ZFX: variants seen among roughly 807,000 people sequenced by gnomAD.
ZFX encodes the protein zinc finger protein X-linked.
For synonymous variants in ZFX, 196 were observed against 226.8 expected (o/e 0.86, Z 1.22); for missense variants, 362 against 628.3 (o/e 0.58, Z 4.53).
Position 24,179,283 on chromosome X carries a change from C to T in ZFX, c.159C>T (p.Asn53=), listed in dbSNP as rs1444281886. The T allele has an allele frequency of 5.0e-6, 6 of 1,210,121 alleles. No individual in the cohort carries two copies. The highest frequency in any genetic ancestry group is 6.7e-6 in the Non-Finnish European group (6 of 895,290). ...DVVDSDITVH[N]FVPDDPDSVV... ...TGGATTCAGACATAACTGTGCATAA[C>T]TTTGTTCCTGATGACCCAGATTCAG... The change falls in exon 5 of 10, where the codon AAC becomes AAT. Residue 53 remains asparagine, a synonymous_variant. Transcript: ENST00000304543.
At chrX:24,174,629 G>A (rs1200581181) in intron 4 of ZFX, among the ~76,000 whole-genome samples, 2 of 110,437 alleles carry the variant, frequency 1.8e-5, no homozygotes, top group Admixed American at 9.7e-5. Flanking sequence ...TCTTGACCTC[G>A]TGATTCGCCT....
intron 3 of ZFX, among the ~76,000 whole-genome samples, chrX:24,163,559 G>A (rs1455213769): frequency 9.5e-6 from 1 of 104,955 alleles, no homozygotes; most frequent in African/African-American, 3.5e-5. Flanking sequence ...TGTATTTTTG[G>A]TAGAGATGGG....
chrX:24,164,452 G>GT (rs774212930), intron 3 of ZFX, among the ~76,000 whole-genome samples: 1 of 111,752 alleles, frequency 8.9e-6, no homozygotes, highest in South Asian at 3.7e-4. Context: ...AGAGAATACT[G>GT]TAAGTGTTAA....
rs183322755 is a variant in ZFX at position 24,153,656 on chromosome X, G to C, written c.-29+826G>C. 5.4e-5 allele frequency among the ~76,000 whole-genome samples: 6 copies of C among 111,653 alleles called. No individual in the cohort carries two copies. The East Asian group carries it at 1.7e-3, about 31-fold the overall frequency. On this transcript the variant is annotated intron_variant, in intron 3 of 9. Transcript: ENST00000304543. ...GTGCTCTGTGTTTCAGAAACTCTCT[G>C]TGCCTTCTCTGTCTTCTATGGTGGG...
intron 3 of ZFX, among the ~76,000 whole-genome samples, chrX:24,171,212 G>C (rs1223580585): frequency 9.0e-6 from 1 of 111,701 alleles, no homozygotes; most frequent in Admixed American, 9.6e-5. Context: ...ATTGTTTCCA[G>C]CTTTCTCTTT....
At chrX:24,161,132 TAAG>T (rs1323280326) in intron 3 of ZFX, among the ~76,000 whole-genome samples, 2 of 111,998 alleles carry the variant, frequency 1.8e-5, no homozygotes, top group East Asian at 2.8e-4. Flanking sequence ...TAATTTATAA[TAAG>T]GTCAAAAAAC....
At chrX:24,196,596 CTTT>C (rs201381708) in intron 5 of ZFX, among the ~76,000 whole-genome samples, 3 of 109,789 alleles carry the variant, frequency 2.7e-5, no homozygotes, top group Non-Finnish European at 3.8e-5. Context: ...CTTGTATTAC[CTTT>C]TTTTTTCTTT....
intron 5 of ZFX, among the ~76,000 whole-genome samples, chrX:24,200,620 C>CT (rs1428963004): frequency 8.9e-6 from 1 of 112,413 alleles, no homozygotes; most frequent in African/African-American, 3.2e-5. Flanking sequence ...TTCTTCCATC[C>CT]TTTTATTTGT....
chrX:24,160,337 C>T (rs1394807344), intron 3 of ZFX, among the ~76,000 whole-genome samples: 6 of 90,484 alleles, frequency 6.6e-5, no homozygotes, highest in African/African-American at 2.2e-4. Flanking sequence ...CTCGCTCTGT[C>T]GCCCAAGGTG....
At position 24,179,356 on chromosome X, in the gene ZFX, T is replaced by C; in HGVS notation, c.232T>C (p.Cys78Arg). 8.2e-7 allele frequency: 1 copy of C among 1,212,195 alleles called. No homozygotes were observed. The highest frequency in any genetic ancestry group is 1.1e-6 in the Non-Finnish European group (1 of 895,663). Reference protein sequence around the residue: ...IEDVVIEDVQCPDIMEEADVS... With the variant: ...IEDVVIEDVQRPDIMEEADVS... ...GGACGTTGTTATAGAAGATGTTCAG[T>C]GCCCAGATATCATGGAAGAAGCAGA... The change falls in exon 5 of 10, where the codon TGC becomes CGC. Residue 78 changes from cysteine (C) to arginine (R), a missense_variant. Physicochemically the swap from Cys to Arg is radical, Grantham distance 180 (BLOSUM62 -3). Transcript: ENST00000304543.
intron 4 of ZFX, among the ~76,000 whole-genome samples, chrX:24,174,897 G>T (rs1204048719): frequency 9.1e-6 from 1 of 109,733 alleles, no homozygotes; most frequent in East Asian, 2.8e-4. Context: ...TTTTTGTGGA[G>T]ACGGGGTCTC....
chrX:24,150,473 G>C (rs923344618), intron 1 of ZFX: 2 of 112,821 alleles, frequency 1.8e-5, no homozygotes, highest in Non-Finnish European at 3.8e-5. Flanking sequence ...GGCGCTCGGC[G>C]GCAGCGCCAC....
rs776069903 is a variant in ZFX, at chrX:24,216,137, A to G, written c.*4761A>G. ...GACAAGGTATATACTCGAAACGAGG[A>G]GACTTAAATCACACAGTTAATGAAT... On this transcript the variant is annotated 3_prime_UTR_variant, in exon 10 of 10. Transcript: ENST00000304543. 1 of 111,643 alleles carries G rather than the reference A, an allele frequency of 9.0e-6. No individual in the cohort carries two copies. The highest frequency in any genetic ancestry group is 2.8e-4 in the East Asian group (1 of 3,596). 9.2% of individuals were successfully genotyped at this position (111,643 alleles called of 1,213,427 possible). A position where few individuals can be genotyped will look rare whatever the true frequency, so the allele number is the denominator to read the frequency against.
chrX:24,173,393 ACTCT>A (rs1398142391), intron 4 of ZFX, among the ~76,000 whole-genome samples: 1 of 110,582 alleles, frequency 9.0e-6, no homozygotes, highest in Non-Finnish European at 1.9e-5. Context: ...TATTTTTATA[ACTCT>A]CTCTCTTGCA....
In ZFX at chrX:24,172,728, T is replaced by C. The variant is rs1231931257; in HGVS notation, c.-15T>C. On this transcript the variant is annotated 5_prime_UTR_variant, in exon 4 of 10. The change abolishes an upstream ATG in the 5' untranslated region. Transcript: ENST00000304543. ...TCCCTGATTTAGGAGCTGTGACTGATGAGAATTAAAGGCCATGGATGAAGA... is the reference window on the plus strand; with the variant it reads ...TCCCTGATTTAGGAGCTGTGACTGACGAGAATTAAAGGCCATGGATGAAGA... 1 of 1,174,304 alleles carries C rather than the reference T, an allele frequency of 8.5e-7. No homozygotes were observed. Among genetic ancestry groups the C allele is most frequent in the Admixed American group, 2.6e-5 (1 of 38,432 alleles).
intron 5 of ZFX, among the ~76,000 whole-genome samples, chrX:24,198,651 T>G (rs1164925543): frequency 4.5e-5 from 5 of 111,307 alleles, no homozygotes; most frequent in Non-Finnish European, 9.4e-5. Context: ...CACAGGGAAG[T>G]TTCTTTCCCT....
At chrX:24,174,423 C>G (rs1268176761) in intron 4 of ZFX, among the ~76,000 whole-genome samples, 1 of 98,204 alleles carries the variant, frequency 1.0e-5, no homozygotes, top group Non-Finnish European at 2.0e-5. Flanking sequence ...GAGACGGAGT[C>G]TTACTCTGTC....
intron 5 of ZFX, among the ~76,000 whole-genome samples, chrX:24,206,733 C>A (rs1211337572): frequency 9.1e-6 from 1 of 109,417 alleles, no homozygotes; most frequent in Non-Finnish European, 1.9e-5. Context: ...TATAAGAGTG[C>A]TTTTACCTTA....
chrX:24,175,638 C>T (rs1031676211), intron 4 of ZFX, among the ~76,000 whole-genome samples: 5 of 110,922 alleles, frequency 4.5e-5, no homozygotes, highest in African/African-American at 1.6e-4. Context: ...AGTACAGTGG[C>T]CATGATCTCT....
Sources: gnomAD v4.1 joint callset for allele counts (sites outside exome capture counted in the v4.1 genomes callset) on GRCh38, gnomAD v4.1.1 for gene constraint, MANE v1.5 for transcripts, NCBI Gene and HGNC (gene_info 2026-07-23, HGNC 2026-07-21) for gene names.